Variants in NDST1 observed in about 807,000 individuals in gnomAD.
NDST1 encodes N-deacetylase and N-sulfotransferase 1.
In NDST1, 35 loss-of-function variants were observed where a neutral mutation model predicts 92.8. The observed-to-expected ratio is 0.38, with a 90% CI of 0.29 to 0.50. NDST1 has a LOEUF of 0.50. Among genes scored for constraint, NDST1 ranks in the 20% least tolerant of loss-of-function variants. The probability of loss-of-function intolerance (pLI) is 0.94; values close to 1 mark genes in which losing one functional copy is unlikely to be tolerated. For missense variants in NDST1, 822 were observed against 1,182.7 expected (o/e 0.69, Z 4.47); for synonymous variants, 493 against 500.3 (o/e 0.99, Z 0.19).
intron 6 of NDST1, among the ~76,000 whole-genome samples, chr5:150,536,501 G>C (rs1196599511): frequency 6.7e-6 from 1 of 148,824 alleles, no homozygotes; most frequent in Middle Eastern, 3.2e-3. Context: ...GTGAGACTCT[G>C]TCTCAAAAAA....
chr5:150,521,486 C>G lies in NDST1; in HGVS notation c.232C>G (p.Pro78Ala), dbSNP rs1224118318. Residue 78 changes from proline to alanine, a missense_variant, in exon 2 of 15, where the codon CCT becomes GCT. Coordinates refer to ENST00000261797, the MANE Select transcript of NDST1 (RefSeq NM_001543.5). The surrounding 1 kb of genome is among the most constrained non-coding windows in gnomAD (Gnocchi z 5.9). ...ACTCAAGCCTGTGCAGGCAGCCACC[C>G]CTTCCCGCACAGACCCGTTGGTGCT... ...LPLKPVQAAT[P>A]SRTDPLVLVF... The G allele has an allele frequency of 6.2e-7, 1 of 1,614,048 alleles. No individual in the cohort carries two copies. The highest frequency in any genetic ancestry group is 1.7e-5 in the Admixed American group (1 of 60,038).
chr5:150,533,087 A>G (rs560921075), intron 4 of NDST1, 55 bp downstream of exon 4: 1 of 1,536,588 alleles, frequency 6.5e-7, no homozygotes, highest in East Asian at 2.2e-5. Context: ...CTCAGCACCC[A>G]AACCCTCAAA....
chr5:150,509,687 T>C (rs1326427223), intron 1 of NDST1, among the ~76,000 whole-genome samples: 1 of 152,176 alleles, frequency 6.6e-6, no homozygotes, highest in Admixed American at 6.5e-5. Flanking sequence ...AATTTTGTAT[T>C]GTTAGTAGAG....
rs764353194 is a variant in NDST1 at position 150,521,442 on chromosome 5, C to G, written c.188C>G (p.Ala63Gly). Residue 63 changes from alanine (A) to glycine (G), a missense_variant, in exon 2 of 15, where the codon GCC becomes GGC. Ala to Gly is a moderately conservative substitution (Grantham distance 60). Coordinates refer to ENST00000261797, the MANE Select transcript of NDST1 (RefSeq NM_001543.5). The surrounding 1 kb of genome is among the most constrained non-coding windows in gnomAD (Gnocchi z 5.9). ...GACTGCGGGGACCCGCCGCCTGTGG[C>G]CCCCAGTCGCCTGCTGCCACTCAAG... ...EPDCGDPPPV[A>G]PSRLLPLKPV... The G allele has an allele frequency of 2.5e-6, 4 of 1,613,216 alleles. No individual in the cohort carries two copies. The East Asian group carries it at 6.7e-5, about 27-fold the overall frequency.
chr5:150,516,880 G>A (rs1049526333), intron 1 of NDST1, among the ~76,000 whole-genome samples: 12 of 151,888 alleles, frequency 7.9e-5, no homozygotes, highest in African/African-American at 1.5e-4. Flanking sequence ...TGGTCAGGCC[G>A]GTCTTGAACT....
chr5:150,557,592 G>A lies in NDST1; in HGVS notation c.*4260G>A, dbSNP rs1174665269. On this transcript the variant is annotated 3_prime_UTR_variant, in exon 15 of 15. Coordinates refer to ENST00000261797, the MANE Select transcript of NDST1 (RefSeq NM_001543.5). This position sits in a 1 kb window ranked among gnomAD's most constrained non-coding sequence, Gnocchi z 4.7. ...TTCATCTGTAGAATGAGCAGATAGGGGCCACAGCAGGGATTTTCACACATC... is the reference window on the plus strand; with the variant it reads ...TTCATCTGTAGAATGAGCAGATAGGAGCCACAGCAGGGATTTTCACACATC... The A allele has an allele frequency of 6.6e-6, 1 of 152,232 alleles. No homozygotes were observed. The highest frequency in any genetic ancestry group is 1.5e-5 in the Non-Finnish European group (1 of 68,058). The allele number at this position is 152,232 out of a possible 1,614,324, so 9.4% of individuals were successfully genotyped here.
Position 150,528,208 on chromosome 5 carries a change from C to T in NDST1, c.918C>T (p.Leu306=), listed in dbSNP as rs1754555642. Residue 306 remains leucine, a synonymous_variant, in exon 3 of 15, where the codon CTC becomes CTT. Transcript: ENST00000261797. ...TGGCCTTCCTCACGGGGAAGCGCCT[C>T]TCCCTGCCATTGGACCGCTACATCC... ...DAVAFLTGKR[L]SLPLDRYILV... is the part of the protein sequence containing the mutation. The T allele has an allele frequency of 6.2e-7, 1 of 1,614,196 alleles. No homozygotes were observed. Among genetic ancestry groups the T allele is most frequent in the East Asian group, 2.2e-5 (1 of 44,880 alleles).
intron 1 of NDST1, among the ~76,000 whole-genome samples, chr5:150,519,296 C>T (rs1754129896): frequency 1.3e-5 from 2 of 152,214 alleles, no homozygotes; most frequent in African/African-American, 4.8e-5. Flanking sequence ...AAGATCTTTA[C>T]CCTCTAGGCT....
chr5:150,536,017 T>G, intron 6 of NDST1, 132 bp downstream of exon 6: 1 of 1,074,694 alleles, frequency 9.3e-7, no homozygotes, highest in Non-Finnish European at 1.4e-6. Flanking sequence ...TTCTGCTGCC[T>G]CCTCTGGCAC....
At chr5:150,498,221 A>C (rs1342600141) in exon 1 of NDST1, 2 of 152,414 alleles carry the variant, frequency 1.3e-5, no homozygotes, top group African/African-American at 4.8e-5. Flanking sequence ...ACCTCCACTT[A>C]GGAGCTGTGT....
At chr5:150,506,897 T>A (rs896620640), upstream of NDST1, among the ~76,000 whole-genome samples, 1 of 152,212 alleles carries the variant, frequency 6.6e-6, no homozygotes, top group Admixed American at 6.5e-5. Context: ...TCTAGGAGAT[T>A]AGGGGGCTTC....
intron 2 of NDST1, among the ~76,000 whole-genome samples, chr5:150,522,410 G>A (rs74645913): frequency 0.029 from 4,349 of 152,104 alleles, 116 homozygotes; most frequent in Admixed American, 0.061. Flanking sequence ...GTCCTTGCAG[G>A]AAGGGTGTCC....
At chr5:150,513,376 C>T (rs567695127) in intron 1 of NDST1, among the ~76,000 whole-genome samples, 8 of 152,064 alleles carry the variant, frequency 5.3e-5, no homozygotes, top group African/African-American at 9.7e-5. Flanking sequence ...CTGTAATCCC[C>T]ACTACTCAGG....
At chr5:150,522,166 T>C (rs1378985423) in intron 2 of NDST1, among the ~76,000 whole-genome samples, 1 of 152,072 alleles carries the variant, frequency 6.6e-6, no homozygotes, top group Non-Finnish European at 1.5e-5. Flanking sequence ...TTAAGTTACT[T>C]ATGTGAGGTT....
intron 1 of NDST1, chr5:150,498,290 A>G (rs368147587): frequency 5.9e-5 from 9 of 152,420 alleles, no homozygotes; most frequent in African/African-American, 2.2e-4. Flanking sequence ...AACAGTATTT[A>G]TCTCATGGTG....
upstream of NDST1, among the ~76,000 whole-genome samples, chr5:150,504,839 A>G (rs548363302): frequency 3.3e-5 from 5 of 152,332 alleles, no homozygotes; most frequent in South Asian, 8.3e-4. Flanking sequence ...AGAAATGGTC[A>G]TCATTGTCCC....
rs1754555368 is a variant in NDST1, at chr5:150,528,199, G to C, written c.909G>C (p.Gly303=). The change falls in exon 3 of 15, where the codon GGG becomes GGC. Residue 303 remains glycine, a synonymous_variant. Transcript: ENST00000261797. The part of the protein sequence containing the change: ...VFVDAVAFLT[G]KRLSLPLDRY... ...TGGATGCCGTGGCCTTCCTCACGGG[G>C]AAGCGCCTCTCCCTGCCATTGGACC... 3 of 1,614,092 alleles carry C rather than the reference G, an allele frequency of 1.9e-6. No individual in the cohort carries two copies. The highest frequency in any genetic ancestry group is 1.7e-6 in the Non-Finnish European group (2 of 1,180,024).
rs922818429 is a variant in NDST1, at chr5:150,553,616, G to A, written c.*284G>A. On this transcript the variant is annotated 3_prime_UTR_variant, in exon 15 of 15. Coordinates refer to ENST00000261797, the MANE Select transcript of NDST1 (RefSeq NM_001543.5). This position sits in a 1 kb window ranked among gnomAD's most constrained non-coding sequence, Gnocchi z 4.2. ...CGCTTCCTGGTAGGAGGGAGTCCAC[G>A]AGACTCTTTTCTGTCCCTCACTGTG... 16 of 449,876 alleles carry A rather than the reference G, an allele frequency of 3.6e-5. No individual in the cohort carries two copies. Among genetic ancestry groups the A allele is most frequent in the East Asian group, 3.2e-4 (7 of 21,566 alleles). 27.9% of individuals were successfully genotyped at this position (449,876 alleles called of 1,614,324 possible).
intron 2 of NDST1, among the ~76,000 whole-genome samples, chr5:150,526,614 G>C (rs1336606220): frequency 6.6e-6 from 1 of 152,186 alleles, no homozygotes; most frequent in Non-Finnish European, 1.5e-5. Flanking sequence ...GTGGGAGATA[G>C]AACGCTGAAA....
Sources: gnomAD v4.1 joint callset for allele counts (sites outside exome capture counted in the v4.1 genomes callset) on GRCh38, gnomAD v4.1.1 for gene constraint, Gnocchi (gnomAD v3.1) non-coding constraint, MANE v1.5 for transcripts, NCBI Gene and HGNC (gene_info 2026-07-23, HGNC 2026-07-21) for gene names.